The following FLNB variants were observed in gnomAD, a reference collection of about 807,000 sequenced individuals.
FLNB encodes filamin B, also known as filamin-B.
Under a neutral mutation model 250.6 loss-of-function variants are expected in FLNB, and 111 were observed. The observed-to-expected ratio is 0.44, with a 90% CI of 0.38 to 0.52. The LOEUF (loss-of-function observed/expected upper bound fraction) is 0.52, where lower values mean the gene tolerates loss of function less well. Among genes scored for constraint, FLNB ranks in the 20% least tolerant of loss-of-function variants. The pLI, the probability that FLNB is intolerant of heterozygous loss-of-function variation, is 0.00. For synonymous variants in FLNB, 1,302 were observed against 1,372.1 expected, an observed-to-expected ratio of 0.95 and a Z score of 1.13; for missense variants, 2,869 against 3,447.8, an observed-to-expected ratio of 0.83 and a Z score of 4.20.
intron 1 of FLNB, among the ~76,000 whole-genome samples, chr3:58,039,209 A>G (rs1358839089): frequency 2.6e-5 from 4 of 151,792 alleles, no homozygotes; most frequent in Non-Finnish European, 4.4e-5. Context: ...AAAAAAAAAA[A>G]AAGAAGAATT....
At position 58,118,909 on chromosome 3, in the gene FLNB, C is replaced by T. The variant is rs768000582; in HGVS notation, c.2783C>T (p.Pro928Leu). The T allele has an allele frequency of 1.9e-6, 3 of 1,613,890 alleles. No homozygotes were observed. The highest frequency in any genetic ancestry group is 1.3e-5 in the African/African-American group (1 of 74,862). The change falls in exon 19 of 46, where the codon CCC becomes CTC. Residue 928 changes from proline to leucine, a missense_variant. By Grantham distance (98) the Pro-to-Leu change is moderately conservative. Transcript: ENST00000295956. ...MQVLVTYGGDPIPKSPFTVGV... is the reference protein window; with the variant it reads ...MQVLVTYGGDLIPKSPFTVGV... Reference sequence around the variant, plus strand: ...GTTCTGGTGACTTACGGTGGCGATCCCATCCCTAAAAGCCCTTTCACTGTG... The same window carrying T: ...GTTCTGGTGACTTACGGTGGCGATCTCATCCCTAAAAGCCCTTTCACTGTG...
In FLNB at chr3:58,123,398, G is replaced by A; in HGVS notation, c.3432G>A (p.Glu1144=). The part of the protein sequence containing the change: ...SKVVASGPGL[E]HGKVGEAGLL... ...TCGTGGCATCGGGGCCAGGTCTCGA[G>A]CACGGGAAGGTGGGTGAAGCTGGCC... The change falls in exon 21 of 46, where the codon GAG becomes GAA. Residue 1144 remains glutamate, a synonymous_variant. Transcript: ENST00000295956. 6.2e-7 allele frequency: 1 copy of A among 1,614,166 alleles called. No homozygotes were observed. Among genetic ancestry groups the A allele is most frequent in the Non-Finnish European group, 8.5e-7 (1 of 1,180,028 alleles).
rs1553696177 is a variant in FLNB at position 58,100,373 on chromosome 3, A to AATATATATATAT, written c.1345+1466_1345+1477dup. 8.6e-5 allele frequency among the ~76,000 whole-genome samples: 9 copies of AATATATATATAT among 104,384 alleles called. 1 individual carries two copies. Among genetic ancestry groups the AATATATATATAT allele is most frequent in the South Asian group, 6.8e-4 (2 of 2,956 alleles). The allele number at this position is 104,384 out of a possible 152,430, so 68.5% of individuals were successfully genotyped here. A position where few individuals can be genotyped will look rare whatever the true frequency, so the allele number is the denominator to read the frequency against. On this transcript the variant is annotated intron_variant, in intron 8 of 45. Transcript: ENST00000295956. ...AATGATTTTACATATGTAAAAAAAA[A>AATATATATATAT]ATATATATATATTTGCAGGGGCGCG...
intron 1 of FLNB, among the ~76,000 whole-genome samples, chr3:58,067,482 C>T (rs527653471): frequency 6.6e-6 from 1 of 152,182 alleles, no homozygotes; most frequent in South Asian, 2.1e-4. Context: ...TTTATGTTTT[C>T]TCTTACCAAT....
chr3:58,115,503 G>A (rs1021468684), intron 18 of FLNB, among the ~76,000 whole-genome samples: 2 of 152,208 alleles, frequency 1.3e-5, no homozygotes, highest in African/African-American at 2.4e-5. Context: ...TACCCCAGAC[G>A]TCCCCTGCTG....
intron 1 of FLNB, among the ~76,000 whole-genome samples, chr3:58,011,968 T>C (rs2097099531): frequency 6.6e-6 from 1 of 152,196 alleles, no homozygotes; most frequent in Non-Finnish European, 1.5e-5. Flanking sequence ...CCCAGCACTT[T>C]AGGAGGCCAA....
chr3:58,023,523 A>G (rs758545392), intron 1 of FLNB, among the ~76,000 whole-genome samples: 2 of 152,248 alleles, frequency 1.3e-5, no homozygotes, highest in African/African-American at 2.4e-5. Flanking sequence ...ATCTTTTTCT[A>G]CTTTTAGGGG....
At chr3:58,065,251 G>A (rs977150619) in intron 1 of FLNB, among the ~76,000 whole-genome samples, 4 of 152,248 alleles carry the variant, frequency 2.6e-5, no homozygotes, top group Admixed American at 6.5e-5. Context: ...GCCCTGCCCT[G>A]GTGGGCAGAG....
Position 58,008,834 on chromosome 3 carries a change from G to C in FLNB, c.270G>C (p.Glu90Asp). The change falls in exon 1 of 46, where the codon GAG (glutamate) becomes GAC (aspartate). Residue 90 changes from glutamate (E) to aspartate (D), a missense_variant. Physicochemically the swap from Glu to Asp is conservative, Grantham distance 45. Coordinates refer to ENST00000295956, the MANE Select transcript of FLNB (RefSeq NM_001457.4). ...VSVALEFLDR[E>D]SIKLVSIDSK... The stretch of plus-strand genomic sequence containing the variant: ...TGGCGCTCGAGTTCCTGGACCGTGA[G>C]AGCATCAAGCTCGTGTCCATCGGTG... 5 of 1,613,878 alleles carry C rather than the reference G, an allele frequency of 3.1e-6. No individual in the cohort carries two copies. Among genetic ancestry groups the C allele is most frequent in the Non-Finnish European group, 4.2e-6 (5 of 1,180,022 alleles).
chr3:58,062,820 C>T (rs1028217452), intron 1 of FLNB, among the ~76,000 whole-genome samples: 1 of 152,170 alleles, frequency 6.6e-6, no homozygotes, highest in Non-Finnish European at 1.5e-5. Flanking sequence ...CTAGGGCATT[C>T]GGCTCTGAGC....
intron 20 of FLNB, 146 bp downstream of exon 20, chr3:58,121,649 T>TTGTGACCCACCTACCC: frequency 9.9e-7 from 1 of 1,011,904 alleles, no homozygotes; most frequent in Non-Finnish European, 1.5e-6. Flanking sequence ...GTCCCCTGGG[T>TTGTGACCCACCTACCC]AGGTGGGTCA....
At chr3:58,068,516 G>A (rs1184659055) in intron 1 of FLNB, among the ~76,000 whole-genome samples, 2 of 152,204 alleles carry the variant, frequency 1.3e-5, no homozygotes, top group African/African-American at 2.4e-5. Flanking sequence ...GTTGCATCTG[G>A]CTAGGTTTTG....
At position 58,146,918 on chromosome 3, in the gene FLNB, C is replaced by T. The variant is rs769060297; in HGVS notation, c.5653C>T (p.Pro1885Ser). The change falls in exon 34 of 46, where the codon CCA (proline) becomes TCA (serine). Residue 1885 changes from proline (P) to serine (S), a missense_variant. Coordinates refer to ENST00000295956, the MANE Select transcript of FLNB (RefSeq NM_001457.4). ...CACAGTGACCTACCTGCCGACTCTG[C>T]CAGGCGACTACAGCATTCTGGTCAA... ...TCTVTYLPTL[P>S]GDYSILVKYN... The T allele has an allele frequency of 2.5e-6, 4 of 1,614,194 alleles. No homozygotes were observed. The highest frequency in any genetic ancestry group is 3.4e-6 in the Non-Finnish European group (4 of 1,180,024).
At chr3:58,046,782 C>T (rs2097154965) in intron 1 of FLNB, among the ~76,000 whole-genome samples, 1 of 152,116 alleles carries the variant, frequency 6.6e-6, no homozygotes, top group Admixed American at 6.6e-5. Context: ...TATCCATTAG[C>T]AGTCACTCTC....
rs75392388 is a variant in FLNB at position 58,143,499 on chromosome 3, A to G, written c.5311A>G (p.Thr1771Ala). 6.2e-7 allele frequency: 1 copy of G among 1,614,014 alleles called. No individual in the cohort carries two copies. The highest frequency in any genetic ancestry group is 1.3e-5 in the African/African-American group (1 of 74,908). ...TGEVHMPSGK[T>A]ATPEIVDNKD... ...AGAGGTCCACATGCCTTCTGGGAAG[A>G]CAGCCACACCTGAGATTGTGGACAA... The change falls in exon 32 of 46, where the codon ACA becomes GCA. Residue 1771 changes from threonine to alanine, a missense_variant. Around this residue, in one of 5 missense-constraint regions of FLNB, gnomAD observed 1,084 missense variants for 1,315.5 expected, o/e 0.82. Coordinates refer to ENST00000295956, the MANE Select transcript of FLNB (RefSeq NM_001457.4).
At chr3:58,055,315 C>G (rs958506851) in intron 1 of FLNB, among the ~76,000 whole-genome samples, 1 of 151,922 alleles carries the variant, frequency 6.6e-6, no homozygotes, top group Non-Finnish European at 1.5e-5. Context: ...GTTTGCTGAC[C>G]TCTTCTGTAG....
chr3:58,012,103 C>T (rs547597595), intron 1 of FLNB, among the ~76,000 whole-genome samples: 4 of 150,640 alleles, frequency 2.7e-5, no homozygotes, highest in South Asian at 2.1e-4. Context: ...CCCAGCTACT[C>T]GGGAGGCTGA....
At chr3:58,117,570 G>A (rs924900262) in intron 18 of FLNB, among the ~76,000 whole-genome samples, 9 of 152,164 alleles carry the variant, frequency 5.9e-5, no homozygotes, top group South Asian at 2.1e-4. Context: ...GAGTTGGCAC[G>A]TTGGGAATGC....
intron 34 of FLNB, 38 bp downstream of exon 34, chr3:58,147,031 A>C: frequency 1.2e-6 from 2 of 1,609,258 alleles, no homozygotes; most frequent in Non-Finnish European, 1.7e-6. Context: ...CCTCGTGGGA[A>C]GTATGGCTGC....
Sources: allele counts gnomAD v4.1 joint callset (sites outside exome capture counted in the v4.1 genomes callset), GRCh38; gene constraint gnomAD v4.1.1; regional missense constraint gnomAD v4.1.1; transcripts MANE v1.5; gene names NCBI Gene and HGNC (gene_info 2026-07-23, HGNC 2026-07-21).